Variants in AREL1 observed in about 807,000 individuals in gnomAD.
The protein encoded by AREL1 is apoptosis resistant E3 ubiquitin protein ligase 1.
In AREL1, 62 loss-of-function variants were observed where a neutral mutation model predicts 99.0. The ratio of observed to expected loss-of-function variants is 0.63; its 90% CI spans 0.51 to 0.77. The LOEUF is 0.77. Among genes scored for constraint, AREL1 ranks in the 30% least tolerant of loss-of-function variants. The probability of loss-of-function intolerance (pLI) is 0.00; values close to 1 mark genes in which losing one functional copy is unlikely to be tolerated. For synonymous variants in AREL1, 380 were observed against 376.5 expected, an observed-to-expected ratio of 1.01 and a Z score of -0.11; for missense variants, 879 against 1,027.6, an observed-to-expected ratio of 0.86 and a Z score of 1.98.
chr14:74,681,843 G>A (rs1219990024), intron 5 of AREL1, among the ~76,000 whole-genome samples: 1 of 151,712 alleles, frequency 6.6e-6, no homozygotes, highest in East Asian at 1.9e-4. Flanking sequence ...GCAACATAAG[G>A]GATCCTTGTG....
At chr14:74,695,712 A>T (rs1340933341) in intron 1 of AREL1, among the ~76,000 whole-genome samples, 1 of 152,180 alleles carries the variant, frequency 6.6e-6, no homozygotes, top group Non-Finnish European at 1.5e-5. Context: ...TTTATATAGC[A>T]GTCTCTCCTA....
In AREL1 at chr14:74,676,133, T is replaced by TA. The variant is rs1441759212; in HGVS notation, c.832+7dup. 6.2e-7 allele frequency: 1 copy of TA among 1,611,418 alleles called. No individual in the cohort carries two copies. Among genetic ancestry groups the TA allele is most frequent in the South Asian group, 1.1e-5 (1 of 91,032 alleles). On this transcript the variant is annotated splice_region_variant and intron_variant, in intron 7 of 19. Coordinates refer to ENST00000356357, the MANE Select transcript of AREL1 (RefSeq NM_001039479.2). ...ACAGCACTAAATCATACTTTTCTTTTAACTTACCACTTAGGACAATAATGT... is the reference window on the plus strand; with the variant it reads ...ACAGCACTAAATCATACTTTTCTTTTAAACTTACCACTTAGGACAATAATGT...
Position 74,689,034 on chromosome 14 carries a change from G to A in AREL1, c.-46+3007C>T, listed in dbSNP as rs186807416. On this transcript the variant is annotated intron_variant, in intron 2 of 19. Transcript: ENST00000356357. ...TGTATTTTTTTTTTTTTTTAGTAGA[G>A]ACAGGGTTTCACCATGTCAGCCAGG... Among the ~76,000 whole-genome samples, 580 of 149,606 alleles carry A rather than the reference G, an allele frequency of 3.9e-3. 25 individuals are homozygous for A. The highest frequency in any genetic ancestry group is 0.035 in the Admixed American group (517 of 14,976).
intron 5 of AREL1, among the ~76,000 whole-genome samples, chr14:74,680,770 C>T (rs920467076): frequency 6.6e-6 from 1 of 152,174 alleles, no homozygotes; most frequent in Non-Finnish European, 1.5e-5. Flanking sequence ...TGGGTACCTA[C>T]ATGATACTCA....
intron 1 of AREL1, among the ~76,000 whole-genome samples, chr14:74,693,731 T>C (rs557350137): frequency 2.6e-4 from 40 of 152,180 alleles, no homozygotes; most frequent in Non-Finnish European, 5.6e-4. Context: ...AATCCCTGCT[T>C]TTAATGACTA....
chr14:74,685,767 TC>T, intron 2 of AREL1, 107 bp from the exon 3 acceptor site: 1 of 892,464 alleles, frequency 1.1e-6, no homozygotes, highest in Non-Finnish European at 1.7e-6. Flanking sequence ...CTCTCTCTAG[TC>T]CAGAGCCTTA....
intron 1 of AREL1, among the ~76,000 whole-genome samples, chr14:74,696,207 T>C (rs181124001): frequency 6.6e-6 from 1 of 152,196 alleles, no homozygotes; most frequent in Admixed American, 6.5e-5. Flanking sequence ...GCTACACAAC[T>C]ACCTTATATA....
intron 5 of AREL1, among the ~76,000 whole-genome samples, chr14:74,682,458 A>C (rs1298767192): frequency 6.6e-6 from 1 of 152,246 alleles, no homozygotes; most frequent in East Asian, 1.9e-4. Context: ...ACAGTACCCA[A>C]AAGTAGAAAC....
intron 1 of AREL1, among the ~76,000 whole-genome samples, chr14:74,707,281 T>C (rs1254463153): frequency 1.3e-5 from 2 of 150,232 alleles, no homozygotes; most frequent in Non-Finnish European, 3.0e-5. Flanking sequence ...GGCCGGAGAA[T>C]AGTTTGAACC....
chr14:74,709,584 T>C (rs1431978550), intron 1 of AREL1, among the ~76,000 whole-genome samples: 1 of 152,242 alleles, frequency 6.6e-6, no homozygotes, highest in African/African-American at 2.4e-5. Context: ...GGCAGTAATC[T>C]ATCTCTGAGG....
chr14:74,687,629 T>C (rs1344261812), intron 2 of AREL1, among the ~76,000 whole-genome samples: 1 of 152,220 alleles, frequency 6.6e-6, no homozygotes, highest in Non-Finnish European at 1.5e-5. Flanking sequence ...ACAAGTCATT[T>C]AATCTTTGTA....
Position 74,684,588 on chromosome 14 carries a change from C to T in AREL1, c.109G>A (p.Asp37Asn). 2.5e-6 allele frequency: 4 copies of T among 1,614,140 alleles called. 1 individual carries two copies. Among genetic ancestry groups the T allele is most frequent in the Non-Finnish European group, 2.5e-6 (3 of 1,180,028 alleles). The change falls in exon 4 of 20, where the codon GAC becomes AAC. Residue 37 changes from aspartate to asparagine, a missense_variant. Coordinates refer to ENST00000356357, the MANE Select transcript of AREL1 (RefSeq NM_001039479.2). Reference sequence around the variant, plus strand: ...GTCCGGTCCCCTCGGCGCTCGCGGTCCTCATTCTGGAGGAAGCTGACTACA... The same window carrying T: ...GTCCGGTCCCCTCGGCGCTCGCGGTTCTCATTCTGGAGGAAGCTGACTACA... ...ARVVSFLQNE[D>N]RERRGDRTIY...
At chr14:74,671,519 A>G (rs1398707351) in intron 11 of AREL1, 36 bp from the exon 12 acceptor site, 4 of 1,434,552 alleles carry the variant, frequency 2.8e-6, no homozygotes, top group African/African-American at 2.9e-5. Flanking sequence ...TTGTCAGAAC[A>G]CTGGCTGGTG....
intron 15 of AREL1, 24 bp downstream of exon 15, chr14:74,669,625 C>T (rs2089285026): frequency 6.2e-7 from 1 of 1,611,534 alleles, no homozygotes; most frequent in Non-Finnish European, 8.5e-7. Flanking sequence ...ACATAGGACC[C>T]AGAGGCTTTG....
chr14:74,699,301 A>G (rs1350064756), intron 1 of AREL1, among the ~76,000 whole-genome samples: 1 of 151,534 alleles, frequency 6.6e-6, no homozygotes, highest in Non-Finnish European at 1.5e-5. Flanking sequence ...GTGCACTTCA[A>G]AGTTAACTGG....
chr14:74,666,632 C>T (rs1166334005), intron 17 of AREL1, among the ~76,000 whole-genome samples: 2 of 150,722 alleles, frequency 1.3e-5, no homozygotes, highest in Middle Eastern at 3.2e-3. Context: ...TCAATATATA[C>T]CTGAAAAAAT....
At chr14:74,681,222 GA>G (rs1010375030) in intron 5 of AREL1, among the ~76,000 whole-genome samples, 1 of 151,864 alleles carries the variant, frequency 6.6e-6, no homozygotes, top group Non-Finnish European at 1.5e-5. Context: ...CGTTTGGAGA[GA>G]AAAAAACCAC....
rs2089343852 is a variant in AREL1 at position 74,671,480 on chromosome 14, G to C, written c.1426C>G (p.Leu476Val). The change falls in exon 12 of 20, where the codon CTG (leucine) becomes GTG (valine). Residue 476 changes from leucine (L) to valine (V), a missense_variant. By Grantham distance (32) the Leu-to-Val change is conservative. Transcript: ENST00000356357. ...VSRHALLESS[L>V]KATRNFSISD... ...ATGGAGAAATTCCGAGTGGCTTTCA[G>C]AGACTGAAAAGAAGTGAAAGGAAGG... 1 of 1,594,710 alleles carries C rather than the reference G, an allele frequency of 6.3e-7. No homozygotes were observed. The highest frequency in any genetic ancestry group is 1.8e-5 in the Admixed American group (1 of 55,878).
chr14:74,666,790 G>C (rs2089219860), intron 17 of AREL1, among the ~76,000 whole-genome samples: 1 of 150,892 alleles, frequency 6.6e-6, no homozygotes. Flanking sequence ...TGCGATCTCG[G>C]ATCACTGCAA....
Sources: allele counts gnomAD v4.1 joint callset (sites outside exome capture counted in the v4.1 genomes callset), GRCh38; gene constraint gnomAD v4.1.1; transcripts MANE v1.5; gene names NCBI Gene and HGNC (gene_info 2026-07-23, HGNC 2026-07-21).